CADM1: variants seen among roughly 807,000 people sequenced by gnomAD.
The protein encoded by CADM1 is cell adhesion molecule 1, also known as TSLC-1.
In CADM1, 15 loss-of-function variants were observed where a neutral mutation model predicts 53.1. That is an observed-to-expected ratio of 0.28 (90% CI 0.19 to 0.44). The LOEUF (loss-of-function observed/expected upper bound fraction) is 0.44. CADM1 is among the 20% of genes least tolerant of loss of function. CADM1 has a pLI of 1.00. For synonymous variants in CADM1, 281 were observed against 243.0 expected, an observed-to-expected ratio of 1.16 and a Z score of -1.45; for missense variants, 434 against 611.3, an observed-to-expected ratio of 0.71 and a Z score of 3.06.
At chr11:115,455,397 A>G (rs1182346905) in intron 1 of CADM1, among the ~76,000 whole-genome samples, 1 of 151,980 alleles carries the variant, frequency 6.6e-6, no homozygotes, top group Non-Finnish European at 1.5e-5. Context: ...AAAGGCAAAA[A>G]AAAAATCATA....
At chr11:115,320,733 G>A (rs1944802569) in intron 1 of CADM1, among the ~76,000 whole-genome samples, 1 of 151,776 alleles carries the variant, frequency 6.6e-6, no homozygotes, top group Admixed American at 6.6e-5. Flanking sequence ...AGGTCTCCAA[G>A]CAGAAGGATG....
rs754650924 is a variant in CADM1 at position 115,198,425 on chromosome 11, C to T, written c.1092G>A (p.Thr364=). The change falls in exon 9 of 12, where the codon ACG becomes ACA. Residue 364 remains threonine (T), a synonymous_variant. Coordinates refer to ENST00000331581, the MANE Select transcript of CADM1 (RefSeq NM_001301043.2). ...ILTIITDTTA[T]TEPAVHGLTQ... ...ACCAACCGTGAACTGCTGGTTCTGT[C>T]GTCGCCGTTGTGTCTACAGACGGGA... 26 of 1,595,258 alleles carry T rather than the reference C, an allele frequency of 1.6e-5. No individual in the cohort carries two copies. Among genetic ancestry groups the T allele is most frequent in the African/African-American group, 1.3e-4 (10 of 74,790 alleles).
At chr11:115,365,219 C>T (rs1946127193) in intron 1 of CADM1, among the ~76,000 whole-genome samples, 1 of 151,388 alleles carries the variant, frequency 6.6e-6, no homozygotes, top group Non-Finnish European at 1.5e-5. Flanking sequence ...CAGATTATTC[C>T]ATATAAATCC....
chr11:115,432,715 T>C (rs570559622), intron 1 of CADM1, among the ~76,000 whole-genome samples: 61 of 152,342 alleles, frequency 4.0e-4, no homozygotes, highest in African/African-American at 1.3e-3. Flanking sequence ...GTGGTTCTGA[T>C]AGCCTACGGG....
At chr11:115,393,957 A>C (rs1946917479) in intron 1 of CADM1, among the ~76,000 whole-genome samples, 1 of 152,314 alleles carries the variant, frequency 6.6e-6, no homozygotes, top group East Asian at 1.9e-4. Flanking sequence ...AAAAGAAAAC[A>C]AAAAACCTTT....
At position 115,289,488 on chromosome 11, in the gene CADM1, T is replaced by C. The variant is rs115736311; in HGVS notation, c.125-49068A>G. Among the ~76,000 whole-genome samples, 1,359 of 152,262 alleles carry C rather than the reference T, an allele frequency of 8.9e-3. 22 individuals are homozygous for C. The highest frequency in any genetic ancestry group is 0.031 in the African/African-American group (1,295 of 41,556). On this transcript the variant is annotated intron_variant, in intron 1 of 11. Transcript: ENST00000331581. ...TGTTTAGTATACCTTTCTGGTACAA[T>C]GAAAATGTTCTGTATCTGCACTGTC...
At chr11:115,344,094 C>CT (rs975497976) in intron 1 of CADM1, among the ~76,000 whole-genome samples, 42 of 142 alleles carry the variant, frequency 0.3, no homozygotes, top group African/African-American at 0.43. Flanking sequence ...GCTCAATTCA[C>CT]TTCTGGTCTC....
intron 2 of CADM1, among the ~76,000 whole-genome samples, chr11:115,239,106 C>G (rs1432276715): frequency 1.3e-5 from 2 of 152,060 alleles, no homozygotes; most frequent in African/African-American, 4.8e-5. Flanking sequence ...GGCCTACAGC[C>G]TTTTAAAATG....
rs1949809360 is a variant in CADM1, at chr11:115,504,389, C to T, written c.6G>A (p.Ala2=). M[A]SVVLPSGSQC... ...GGGATCCGCTCGGCAGCACTACACT[C>T]GCCATGTCGGGCACCTGCCTCAGAC... The change falls in exon 1 of 12, where the codon GCG becomes GCA. Residue 2 remains alanine (A), a synonymous_variant. Transcript: ENST00000331581. The T allele has an allele frequency of 1.9e-6, 3 of 1,546,032 alleles. No homozygotes were observed. Among genetic ancestry groups the T allele is most frequent in the East Asian group, 2.4e-5 (1 of 40,842 alleles).
intron 1 of CADM1, among the ~76,000 whole-genome samples, chr11:115,340,664 T>A (rs1472136243): frequency 5.8e-4 from 52 of 89,332 alleles, no homozygotes; most frequent in African/African-American, 1.2e-3. Context: ...ATATATTTTT[T>A]TTTTTTTTTT....
At chr11:115,458,117 GTCTCTCTC>G (rs4019424) in intron 1 of CADM1, among the ~76,000 whole-genome samples, 5 of 149,372 alleles carry the variant, frequency 3.3e-5, no homozygotes, top group Admixed American at 1.3e-4. Context: ...GGATACTAAA[GTCTCTCTC>G]TCTCTCTCTC....
intron 1 of CADM1, among the ~76,000 whole-genome samples, chr11:115,372,409 C>A (rs1946331299): frequency 1.3e-5 from 2 of 151,890 alleles, no homozygotes; most frequent in Non-Finnish European, 2.9e-5. Context: ...AAAAAAATAC[C>A]AGGAATCAGA....
intron 1 of CADM1, among the ~76,000 whole-genome samples, chr11:115,378,625 G>A (rs1366621127): frequency 6.6e-6 from 1 of 152,178 alleles, no homozygotes. Context: ...CTTTTGTAGA[G>A]CCTGGAAGCT....
At chr11:115,216,874 T>C (rs1416977392) in intron 6 of CADM1, among the ~76,000 whole-genome samples, 1 of 152,170 alleles carries the variant, frequency 6.6e-6, no homozygotes, top group Non-Finnish European at 1.5e-5. Flanking sequence ...TCCAGAGATT[T>C]CTGGGGAAGC....
chr11:115,497,848 C>T (rs770309268), intron 1 of CADM1, among the ~76,000 whole-genome samples: 19 of 152,012 alleles, frequency 1.2e-4, no homozygotes, highest in Non-Finnish European at 2.5e-4. Context: ...TTCACCTGTC[C>T]AGGGCCATTC....
At chr11:115,249,587 T>C (rs1476260834) in intron 1 of CADM1, among the ~76,000 whole-genome samples, 2 of 152,322 alleles carry the variant, frequency 1.3e-5, no homozygotes, top group South Asian at 2.1e-4. Context: ...AAACACATAT[T>C]TGAAAACCAC....
rs533753158 is a variant in CADM1, at chr11:115,313,902, T to C, written c.125-73482A>G. ...CAACTAGATGAAGCCAACCCATCCA[T>C]AGATCTGGACCACCCACCCTAGACT... is the stretch of plus-strand genomic sequence containing the variant. On this transcript the variant is annotated intron_variant, in intron 1 of 11. Coordinates refer to ENST00000331581, the MANE Select transcript of CADM1 (RefSeq NM_001301043.2). 3.3e-5 allele frequency among the ~76,000 whole-genome samples: 5 copies of C among 152,274 alleles called. No individual in the cohort carries two copies. In the South Asian group the frequency reaches 8.3e-4, roughly 25 times the overall value.
At chr11:115,223,643 T>C (rs1359226777) in intron 5 of CADM1, among the ~76,000 whole-genome samples, 1 of 152,160 alleles carries the variant, frequency 6.6e-6, no homozygotes, top group Non-Finnish European at 1.5e-5. Context: ...TATTCCAGTC[T>C]TGCTCACGAT....
rs1270638857 is a variant in CADM1, at chr11:115,229,762, C to T, written c.563-491G>A. On this transcript the variant is annotated intron_variant, in intron 4 of 11. Transcript: ENST00000331581. ...CAAGCAGTAGAGTTACAAACAACCC[C>T]CTTTGCCTACTCCCATCATCAACAA... 2.0e-5 allele frequency among the ~76,000 whole-genome samples: 3 copies of T among 152,314 alleles called. No homozygotes were observed. The East Asian group carries it at 5.8e-4, about 29-fold the overall frequency.
Sources: allele counts gnomAD v4.1 joint callset (sites outside exome capture counted in the v4.1 genomes callset), GRCh38; gene constraint gnomAD v4.1.1; transcripts MANE v1.5; gene names NCBI Gene and HGNC (gene_info 2026-07-23, HGNC 2026-07-21).